Variants in CTNNA3 observed in about 807,000 individuals in gnomAD.
CTNNA3 encodes the protein catenin alpha 3, also known as catenin alpha-3.
In CTNNA3, 76 loss-of-function variants were observed where a neutral mutation model predicts 95.7. That is an observed-to-expected ratio of 0.79 (90% CI 0.66 to 0.96). CTNNA3 has a LOEUF of 0.96. Among genes scored for constraint, CTNNA3 ranks in the 40% least tolerant of loss-of-function variants. The pLI is 0.00. For missense variants in CTNNA3, 1,191 were observed against 1,089.8 expected (o/e 1.09, Z -1.31); for synonymous variants, 431 against 374.4 (o/e 1.15, Z -1.74).
chr10:67,092,783 G>C (rs7090033), intron 7 of CTNNA3, among the ~76,000 whole-genome samples: 27,487 of 151,874 alleles, frequency 0.18, 4,131 homozygotes, highest in African/African-American at 0.42. Context: ...ATACGAGACA[G>C]TGATATGAGA....
At chr10:66,346,148 G>A (rs2092509003) in intron 12 of CTNNA3, among the ~76,000 whole-genome samples, 2 of 149,596 alleles carry the variant, frequency 1.3e-5, no homozygotes, top group African/African-American at 4.9e-5. Flanking sequence ...GAAAGAATGT[G>A]GAATACATCC....
At position 66,395,072 on chromosome 10, in the gene CTNNA3, G is replaced by A. The variant is rs544078368; in HGVS notation, c.1532-15720C>T. Among the ~76,000 whole-genome samples, 106 of 151,746 alleles carry A rather than the reference G, an allele frequency of 7.0e-4. 1 individual carries two copies. Among genetic ancestry groups the A allele is most frequent in the Non-Finnish European group, 1.3e-3 (87 of 67,882 alleles). ...CAGCTCAATTATCTTTACTACCTTC[G>A]AAAATACAGTATCTCTCCACGTGGG... On this transcript the variant is annotated intron_variant, in intron 11 of 17. Coordinates refer to ENST00000433211, the MANE Select transcript of CTNNA3 (RefSeq NM_013266.4).
chr10:66,506,869 T>C (rs1404233208), intron 11 of CTNNA3, among the ~76,000 whole-genome samples: 1 of 152,172 alleles, frequency 6.6e-6, no homozygotes, highest in Non-Finnish European at 1.5e-5. Context: ...ATAAGTGCAA[T>C]GTATGGTAAT....
chr10:66,731,941 A>C (rs2132668025), intron 9 of CTNNA3, among the ~76,000 whole-genome samples: 1 of 152,332 alleles, frequency 6.6e-6, no homozygotes, highest in African/African-American at 2.4e-5. Flanking sequence ...TTGGTAAAAA[A>C]GAGAAAATCT....
chr10:67,325,145 T>C (rs1841489854), intron 5 of CTNNA3, among the ~76,000 whole-genome samples: 1 of 152,062 alleles, frequency 6.6e-6, no homozygotes, highest in South Asian at 2.1e-4. Context: ...TTTATTAGTC[T>C]AGCTAGTGGT....
At chr10:66,663,971 G>A (rs955249658) in intron 9 of CTNNA3, among the ~76,000 whole-genome samples, 1 of 151,958 alleles carries the variant, frequency 6.6e-6, no homozygotes, top group African/African-American at 2.4e-5. Context: ...ACCTTAAAGA[G>A]TAAAATTTTT....
chr10:66,972,566 T>C (rs537823364), intron 7 of CTNNA3, among the ~76,000 whole-genome samples: 13 of 152,120 alleles, frequency 8.5e-5, no homozygotes, highest in Non-Finnish European at 1.8e-4. Flanking sequence ...AACAGGCCCA[T>C]CCAGATTGTT....
At chr10:67,558,528 C>G (rs556428275) in intron 3 of CTNNA3, among the ~76,000 whole-genome samples, 2 of 152,344 alleles carry the variant, frequency 1.3e-5, no homozygotes, top group South Asian at 2.1e-4. Context: ...CGAATAGGAA[C>G]AGCGCCGGTC....
chr10:66,523,038 A>G (rs1414905483), intron 10 of CTNNA3, among the ~76,000 whole-genome samples: 1 of 152,168 alleles, frequency 6.6e-6, no homozygotes, highest in African/African-American at 2.4e-5. Context: ...TTTCTACAAA[A>G]GAGGAACATA....
At chr10:66,355,805 T>C (rs1180529728) in intron 12 of CTNNA3, among the ~76,000 whole-genome samples, 1 of 152,028 alleles carries the variant, frequency 6.6e-6, no homozygotes, top group African/African-American at 2.4e-5. Flanking sequence ...AAATTTATCC[T>C]ATGTTTTCTT....
chr10:67,499,113 A>G (rs1839141954), intron 5 of CTNNA3, among the ~76,000 whole-genome samples: 3 of 152,192 alleles, frequency 2.0e-5, no homozygotes, highest in Admixed American at 2.0e-4. Flanking sequence ...CGTTCCATCA[A>G]TACCTAGTTT....
intron 1 of CTNNA3, among the ~76,000 whole-genome samples, chr10:67,731,006 G>T (rs1362636195): frequency 6.6e-6 from 1 of 152,062 alleles, no homozygotes; most frequent in Non-Finnish European, 1.5e-5. Context: ...ATATGGGAAA[G>T]GAACAATGTA....
intron 11 of CTNNA3, among the ~76,000 whole-genome samples, chr10:66,448,450 G>A (rs7392875): frequency 2.0e-5 from 3 of 152,050 alleles, no homozygotes; most frequent in Non-Finnish European, 4.4e-5. Flanking sequence ...GCGATAGACT[G>A]GATTAAGAAA....
At chr10:66,354,584 T>C (rs1177273270) in intron 12 of CTNNA3, among the ~76,000 whole-genome samples, 1 of 152,088 alleles carries the variant, frequency 6.6e-6, no homozygotes, top group Non-Finnish European at 1.5e-5. Context: ...AGAATCTGTC[T>C]TTTAGAGTAA....
At chr10:66,489,491 C>T (rs1364303710) in intron 11 of CTNNA3, among the ~76,000 whole-genome samples, 1 of 152,058 alleles carries the variant, frequency 6.6e-6, no homozygotes, top group Non-Finnish European at 1.5e-5. Context: ...AAATTTAACG[C>T]TTAAAGAATA....
At chr10:67,587,936 T>G (rs1842684624) in intron 3 of CTNNA3, among the ~76,000 whole-genome samples, 1 of 152,184 alleles carries the variant, frequency 6.6e-6, no homozygotes, top group African/African-American at 2.4e-5. Context: ...GACTGGATTA[T>G]TTTTAAAGAT....
chr10:66,766,505 T>A, intron 8 of CTNNA3, 89 bp from the exon 9 acceptor site: 1 of 1,129,504 alleles, frequency 8.9e-7, no homozygotes. Context: ...GTTACACAAC[T>A]CATTTTTCAT....
chr10:66,443,700 T>C (rs571431240), intron 11 of CTNNA3, among the ~76,000 whole-genome samples: 109 of 151,674 alleles, frequency 7.2e-4, no homozygotes, highest in Middle Eastern at 3.4e-3. Context: ...AGACCAAAAG[T>C]AGATAAAAAC....
chr10:67,051,969 G>T (rs951245748), intron 7 of CTNNA3, among the ~76,000 whole-genome samples: 1 of 149,050 alleles, frequency 6.7e-6, no homozygotes, highest in African/African-American at 2.5e-5. Flanking sequence ...TGGCCAGGCT[G>T]GTCTCAAACT....
Sources: allele counts gnomAD v4.1 joint callset (sites outside exome capture counted in the v4.1 genomes callset), GRCh38; gene constraint gnomAD v4.1.1; transcripts MANE v1.5; gene names NCBI Gene and HGNC (gene_info 2026-07-23, HGNC 2026-07-21).